Variants in INVS observed in about 807,000 individuals in gnomAD.
The protein encoded by INVS is inversin, also known as inversion of embryo turning homolog.
INVS carries 86 observed loss-of-function variants against 108.8 expected under a neutral mutation model. The observed-to-expected ratio is 0.79, with a 90% CI of 0.66 to 0.95. INVS has a LOEUF of 0.95. Among genes scored for constraint, INVS ranks in the 40% least tolerant of loss-of-function variants. INVS has a pLI of 0.00. For synonymous variants in INVS, 455 were observed against 473.5 expected (o/e 0.96, Z 0.51); for missense variants, 1,169 against 1,297.4 (o/e 0.90, Z 1.52).
chr9:100,157,025 A>G (rs1398724341), intron 3 of INVS, among the ~76,000 whole-genome samples: 3 of 151,298 alleles, frequency 2.0e-5, no homozygotes, highest in African/African-American at 7.3e-5. Flanking sequence ...TTCATTGTTA[A>G]ATATAATCTA....
At chr9:100,177,596 G>A (rs989510552) in intron 3 of INVS, among the ~76,000 whole-genome samples, 4 of 152,194 alleles carry the variant, frequency 2.6e-5, no homozygotes, top group South Asian at 2.1e-4. Context: ...TCTTGGCAGG[G>A]CATCTCTGAA....
intron 3 of INVS, among the ~76,000 whole-genome samples, chr9:100,203,416 C>T (rs181443689): frequency 6.7e-6 from 1 of 150,198 alleles, no homozygotes; most frequent in East Asian, 1.9e-4. Context: ...TTTAACAGCT[C>T]TGTGTTTCTT....
At chr9:100,113,686 G>T (rs1375260517) in intron 2 of INVS, among the ~76,000 whole-genome samples, 2 of 151,972 alleles carry the variant, frequency 1.3e-5, no homozygotes, top group Non-Finnish European at 2.9e-5. Context: ...ATCAAATGAT[G>T]ATATTTAGCA....
chr9:100,249,571 T>C (rs917383846), intron 8 of INVS, among the ~76,000 whole-genome samples: 9 of 151,968 alleles, frequency 5.9e-5, no homozygotes, highest in Non-Finnish European at 4.4e-5. Context: ...CTCAGCTCAC[T>C]GCAACCTCCA....
Position 100,246,731 on chromosome 9 carries a change from T to G in INVS, c.1022T>G (p.Met341Arg), listed in dbSNP as rs1397165748. The change falls in exon 8 of 17, where the codon ATG becomes AGG. Residue 341 changes from methionine (M) to arginine (R), a missense_variant. Around this residue, in one of 3 missense-constraint regions of INVS, gnomAD observed 271 missense variants for 363.8 expected, o/e 0.74. Coordinates refer to ENST00000262457, the MANE Select transcript of INVS (RefSeq NM_014425.5). ...GGCAGTGATGATGTCCTTAGAACTA[T>G]GCTGAGCTTAAAATCGGACATAGAT... ...GKGSDDVLRTMLSLKSDIDIN... is the reference protein window; with the variant it reads ...GKGSDDVLRTRLSLKSDIDIN... 2 of 1,614,066 alleles carry G rather than the reference T, an allele frequency of 1.2e-6. No individual in the cohort carries two copies. The highest frequency in any genetic ancestry group is 8.5e-7 in the Non-Finnish European group (1 of 1,179,926).
At chr9:100,143,041 TG>T (rs1470440744) in intron 3 of INVS, among the ~76,000 whole-genome samples, 4 of 152,110 alleles carry the variant, frequency 2.6e-5, no homozygotes, top group African/African-American at 9.7e-5. Context: ...ACTGAAGTAA[TG>T]GGGGCTGTCT....
intron 3 of INVS, among the ~76,000 whole-genome samples, chr9:100,194,823 C>T (rs1218930971): frequency 6.6e-6 from 1 of 152,146 alleles, no homozygotes; most frequent in Non-Finnish European, 1.5e-5. Flanking sequence ...AGCTGAGATT[C>T]AGGCCTGGTA....
chr9:100,166,115 A>G (rs1266743439), intron 3 of INVS, among the ~76,000 whole-genome samples: 2 of 152,216 alleles, frequency 1.3e-5, no homozygotes, highest in African/African-American at 4.8e-5. Flanking sequence ...ATGATAGAAT[A>G]TCACATTGTC....
At chr9:100,255,728 G>A (rs1325686491) in intron 10 of INVS, among the ~76,000 whole-genome samples, 9 of 152,140 alleles carry the variant, frequency 5.9e-5, no homozygotes, top group Non-Finnish European at 1.2e-4. Flanking sequence ...ATTGATTTGT[G>A]TATGTTGAAC....
intron 13 of INVS, among the ~76,000 whole-genome samples, chr9:100,291,410 G>A (rs117778809): frequency 2.6e-5 from 4 of 152,056 alleles, no homozygotes; most frequent in Non-Finnish European, 4.4e-5. Flanking sequence ...TCCTTTTCTC[G>A]TATTTTAAAC....
intron 3 of INVS, among the ~76,000 whole-genome samples, chr9:100,136,225 C>T (rs757810481): frequency 1.1e-4 from 17 of 152,090 alleles, no homozygotes; most frequent in East Asian, 5.8e-4. Context: ...GGAGACAGTA[C>T]GAGTGATTGA....
In INVS at chr9:100,240,157, A is replaced by T. The variant is rs1348576049; in HGVS notation, c.713A>T (p.Asp238Val). Residue 238 changes from aspartate (D) to valine (V), a missense_variant, in exon 6 of 17, where the codon GAT (aspartate) becomes GTT (valine). Around this residue, in one of 3 missense-constraint regions of INVS, gnomAD observed 365 missense variants for 397.5 expected, o/e 0.92. Transcript: ENST00000262457. ...AVADGNVTVV[D>V]VLTSYESCNI... ...GCTGATGGGAATGTGACCGTGGTTG[A>T]TGTCTTGACCTCATATGAAAGCTGC... 1 of 1,614,002 alleles carries T rather than the reference A, an allele frequency of 6.2e-7. No homozygotes were observed.
At chr9:100,137,297 A>G (rs1165104386) in intron 3 of INVS, among the ~76,000 whole-genome samples, 1 of 152,176 alleles carries the variant, frequency 6.6e-6, no homozygotes, top group Non-Finnish European at 1.5e-5. Context: ...CCTTAGGAAT[A>G]TAGGGGACCA....
chr9:100,265,001 G>T (rs1422950556), intron 11 of INVS, 73 bp downstream of exon 11: 1 of 1,003,736 alleles, frequency 1.0e-6, no homozygotes, highest in Non-Finnish European at 1.6e-6. Context: ...GGGTTGCAGT[G>T]GCACGATCTT....
chr9:100,186,727 G>A (rs557769112), intron 3 of INVS, among the ~76,000 whole-genome samples: 9 of 152,088 alleles, frequency 5.9e-5, no homozygotes, highest in Admixed American at 1.3e-4. Context: ...TTTTTTCCTT[G>A]CTGATTTGAG....
chr9:100,162,591 T>C (rs1241989972), intron 3 of INVS, among the ~76,000 whole-genome samples: 1 of 152,318 alleles, frequency 6.6e-6, no homozygotes, highest in African/African-American at 2.4e-5. Flanking sequence ...TCAGAAGCCC[T>C]GTGGCAGATG....
intron 10 of INVS, among the ~76,000 whole-genome samples, chr9:100,259,100 C>G (rs1588128279): frequency 6.6e-6 from 1 of 152,220 alleles, no homozygotes; most frequent in Non-Finnish European, 1.5e-5. Context: ...CTTTGTTTAC[C>G]TACTCAAGCC....
intron 12 of INVS, among the ~76,000 whole-genome samples, chr9:100,281,991 C>T (rs950789285): frequency 1.4e-4 from 21 of 152,162 alleles, no homozygotes; most frequent in Non-Finnish European, 2.1e-4. Context: ...AATTTATCAC[C>T]TCAGAGTCCC....
At chr9:100,131,688 A>G (rs1430094539) in intron 3 of INVS, among the ~76,000 whole-genome samples, 1 of 152,184 alleles carries the variant, frequency 6.6e-6, no homozygotes, top group East Asian at 1.9e-4. Flanking sequence ...ATAGTTATGC[A>G]TGTTTAATCT....
Sources: allele counts gnomAD v4.1 joint callset (sites outside exome capture counted in the v4.1 genomes callset), GRCh38; gene constraint gnomAD v4.1.1; regional missense constraint gnomAD v4.1.1; transcripts MANE v1.5; gene names NCBI Gene and HGNC (gene_info 2026-07-23, HGNC 2026-07-21).